The following WWC2 variants were observed in gnomAD, a reference collection of about 807,000 sequenced individuals.
WWC2 encodes the protein protein WWC2.
Under a neutral mutation model 138.5 loss-of-function variants are expected in WWC2, and 101 were observed. That is an observed-to-expected ratio of 0.73 (90% CI 0.62 to 0.86). The LOEUF (loss-of-function observed/expected upper bound fraction) is 0.86, where lower values mean the gene tolerates loss of function less well. Ranked by LOEUF, WWC2 falls within the 40% of genes least tolerant of loss-of-function variation. WWC2 has a pLI of 0.00. For synonymous variants in WWC2, 558 were observed against 538.4 expected (o/e 1.04, Z -0.50); for missense variants, 1,420 against 1,419.4 (o/e 1.00, Z -0.01).
chr4:183,274,666 C>T (rs1737794784), intron 16 of WWC2, among the ~76,000 whole-genome samples: 1 of 151,726 alleles, frequency 6.6e-6, no homozygotes, highest in Non-Finnish European at 1.5e-5. Flanking sequence ...TCATCATGGC[C>T]CCATACAACA....
At chr4:183,289,102 T>G (rs551077607) in intron 20 of WWC2, among the ~76,000 whole-genome samples, 1 of 152,358 alleles carries the variant, frequency 6.6e-6, no homozygotes, top group African/African-American at 2.4e-5. Flanking sequence ...TCCATGTTGC[T>G]CTTACCCAGG....
intron 4 of WWC2, among the ~76,000 whole-genome samples, chr4:183,224,292 TA>T (rs1736008979): frequency 6.6e-6 from 1 of 152,196 alleles, no homozygotes; most frequent in Non-Finnish European, 1.5e-5. Flanking sequence ...TTTTTTATTG[TA>T]GTAGTAATTT....
At chr4:183,232,495 C>T (rs996418235) in intron 4 of WWC2, among the ~76,000 whole-genome samples, 2 of 152,146 alleles carry the variant, frequency 1.3e-5, no homozygotes, top group Non-Finnish European at 2.9e-5. Context: ...GTGCCTGTTA[C>T]AGACATTTCA....
chr4:183,164,349 TATATATACA>T lies in WWC2; in HGVS notation c.132-29249_132-29241del, dbSNP rs1561443918. 5.0e-5 allele frequency among the ~76,000 whole-genome samples: 7 copies of T among 139,802 alleles called. No individual in the cohort carries two copies. In the East Asian group the frequency reaches 1.2e-3, roughly 24 times the overall value. 91.7% of individuals were successfully genotyped at this position (139,802 alleles called of 152,430 possible). ...TATATATATATATACATATATATATTATATATACATATATATATTATATATACATATATA... is the reference window on the plus strand; with the variant it reads ...TATATATATATATACATATATATATTTATATATATTATATATACATATATA... On this transcript the variant is annotated intron_variant, in intron 1 of 22. Coordinates refer to ENST00000403733, the MANE Select transcript of WWC2 (RefSeq NM_024949.6).
intron 1 of WWC2, among the ~76,000 whole-genome samples, chr4:183,138,973 G>A (rs1360584785): frequency 6.6e-6 from 1 of 152,140 alleles, no homozygotes; most frequent in Non-Finnish European, 1.5e-5. Flanking sequence ...GCTATCACAT[G>A]TACTCTGCAT....
At chr4:183,132,550 T>A (rs1186392013) in intron 1 of WWC2, among the ~76,000 whole-genome samples, 1 of 151,546 alleles carries the variant, frequency 6.6e-6, no homozygotes, top group African/African-American at 2.4e-5. Flanking sequence ...GCCTCCCGGG[T>A]TCACGCCATT....
intron 1 of WWC2, among the ~76,000 whole-genome samples, chr4:183,104,971 A>G (rs1310151070): frequency 6.6e-6 from 1 of 152,190 alleles, no homozygotes; most frequent in East Asian, 1.9e-4. Context: ...CAGTGACACA[A>G]TCTCGTCTTA....
chr4:183,278,714 C>T (rs1345768111), intron 16 of WWC2, among the ~76,000 whole-genome samples: 2 of 151,908 alleles, frequency 1.3e-5, no homozygotes, highest in East Asian at 3.9e-4. Flanking sequence ...AGTTGGATTC[C>T]TAGGTATTTT....
chr4:183,192,606 T>C (rs1436568890), intron 1 of WWC2, among the ~76,000 whole-genome samples: 1 of 152,248 alleles, frequency 6.6e-6, no homozygotes, highest in Non-Finnish European at 1.5e-5. Flanking sequence ...GATGATGTAC[T>C]TTGTTATTCT....
At chr4:183,161,882 A>C (rs886884233) in intron 1 of WWC2, among the ~76,000 whole-genome samples, 1 of 152,150 alleles carries the variant, frequency 6.6e-6, no homozygotes, top group African/African-American at 2.4e-5. Flanking sequence ...GCAACATATA[A>C]CTGTAGTTGA....
chr4:183,225,218 T>G (rs149349612), intron 4 of WWC2, among the ~76,000 whole-genome samples: 7 of 152,352 alleles, frequency 4.6e-5, no homozygotes, highest in Non-Finnish European at 8.8e-5. Context: ...CTTATCTTAC[T>G]GTATTTAAAA....
At chr4:183,252,254 G>T (rs1737001075) in intron 8 of WWC2, among the ~76,000 whole-genome samples, 1 of 152,180 alleles carries the variant, frequency 6.6e-6, no homozygotes, top group Admixed American at 6.5e-5. Context: ...GGTGTGTACT[G>T]TTAACAATAT....
intron 1 of WWC2, among the ~76,000 whole-genome samples, chr4:183,156,664 T>C (rs552223527): frequency 6.6e-6 from 1 of 152,306 alleles, no homozygotes; most frequent in African/African-American, 2.4e-5. Flanking sequence ...CCATCTACTC[T>C]GCAGTGACCT....
chr4:183,099,621 AGGTGGGCGCCGGCCGCGG>A lies in WWC2; in HGVS notation c.131+2_131+19del. The A allele has an allele frequency of 7.5e-7, 1 of 1,339,892 alleles. No homozygotes were observed. The highest frequency in any genetic ancestry group is 1.8e-5 in the South Asian group (1 of 54,706). 83.0% of individuals were successfully genotyped at this position (1,339,892 alleles called of 1,614,324 possible). ...GACCAGCTGGATCGACCCCCGGGACAGGTGGGCGCCGGCCGCGGGGGCGCGGGCCCGTTCGGACACGGC... is the reference window on the plus strand; with the variant it reads ...GACCAGCTGGATCGACCCCCGGGACAGGGCGCGGGCCCGTTCGGACACGGC... On this transcript the variant is annotated splice_donor_variant and splice_donor_5th_base_variant and coding_sequence_variant and intron_variant, in exon 1 of 23. Coordinates refer to ENST00000403733, the MANE Select transcript of WWC2 (RefSeq NM_024949.6). LOFTEE classifies it high-confidence loss of function.
intron 21 of WWC2, among the ~76,000 whole-genome samples, chr4:183,303,474 T>C (rs1738924637): frequency 6.6e-6 from 1 of 152,194 alleles, no homozygotes; most frequent in Non-Finnish European, 1.5e-5. Context: ...GTGCCTTGGG[T>C]GGAGGACAGC....
intron 15 of WWC2, chr4:183,269,585 T>C (rs1475234672): frequency 6.5e-6 from 3 of 459,584 alleles, no homozygotes; most frequent in African/African-American, 6.0e-5. Context: ...TATTTTCAGA[T>C]AAGGAGCTGC....
At chr4:183,129,598 G>A (rs1300913732) in intron 1 of WWC2, among the ~76,000 whole-genome samples, 4 of 152,186 alleles carry the variant, frequency 2.6e-5, no homozygotes, top group African/African-American at 9.7e-5. Context: ...GCCTTATGAA[G>A]TGGTATGTTT....
chr4:183,127,820 G>T (rs956273569), intron 1 of WWC2, among the ~76,000 whole-genome samples: 14 of 152,022 alleles, frequency 9.2e-5, no homozygotes, highest in African/African-American at 3.4e-4. Context: ...ACATATATAT[G>T]TAACACATTA....
chr4:183,173,428 G>T (rs1051038021), intron 1 of WWC2, among the ~76,000 whole-genome samples: 1 of 152,058 alleles, frequency 6.6e-6, no homozygotes, highest in African/African-American at 2.4e-5. Context: ...TATCTCTGAA[G>T]AAATGAATTC....
Sources: gnomAD v4.1 joint callset for allele counts (sites outside exome capture counted in the v4.1 genomes callset) on GRCh38, gnomAD v4.1.1 for gene constraint, MANE v1.5 for transcripts, NCBI Gene and HGNC (gene_info 2026-07-23, HGNC 2026-07-21) for gene names.